The following MAP2K5 variants were observed in gnomAD, a reference collection of about 807,000 sequenced individuals.
MAP2K5 encodes the protein mitogen-activated protein kinase kinase 5.
MAP2K5 carries 49 observed loss-of-function variants against 83.1 expected under a neutral mutation model. The observed-to-expected ratio is 0.59, with a 90% confidence interval of 0.47 to 0.75. MAP2K5 has a LOEUF of 0.75. MAP2K5 is among the 30% of genes least tolerant of loss of function. The pLI is 0.00. For synonymous variants in MAP2K5, 202 were observed against 191.8 expected (o/e 1.05, Z -0.44); for missense variants, 457 against 557.5 (o/e 0.82, Z 1.82).
At chr15:67,576,134 C>T (rs531510573) in intron 3 of MAP2K5, among the ~76,000 whole-genome samples, 5 of 146,036 alleles carry the variant, frequency 3.4e-5, no homozygotes, top group African/African-American at 1.2e-4. Context: ...CCAGGCTGGT[C>T]TTGAACTCCT....
chr15:67,664,760 C>G (rs1292485374), intron 13 of MAP2K5, 115 bp downstream of exon 13: 14 of 615,004 alleles, frequency 2.3e-5, no homozygotes, highest in Non-Finnish European at 3.8e-5. Context: ...ACATCTGGTA[C>G]TCAAAAAGAT....
chr15:67,685,876 C>T (rs1024741111), intron 13 of MAP2K5, among the ~76,000 whole-genome samples: 7 of 152,212 alleles, frequency 4.6e-5, no homozygotes, highest in Admixed American at 3.3e-4. Flanking sequence ...CAGTCATGGC[C>T]GTTCATTTAC....
rs1167753893 is a variant in MAP2K5, at chr15:67,565,524, G to A, written c.252+2174G>A. Among the ~76,000 whole-genome samples, 4 of 152,052 alleles carry A rather than the reference G, an allele frequency of 2.6e-5. No individual in the cohort carries two copies. The highest frequency in any genetic ancestry group is 6.5e-5 in the Admixed American group (1 of 15,274). ...ATTACAGGCATGAGCCACTGTGCCC[G>A]GCCTGTCATCATCATTATTAAATTC... On this transcript the variant is annotated intron_variant, in intron 3 of 21. Transcript: ENST00000178640. The surrounding 1 kb of genome is among the most constrained non-coding windows in gnomAD (Gnocchi z 4.1).
rs2090555798 is a variant in MAP2K5, at chr15:67,793,690, ATAGATTG to A, written c.1243-12953_1243-12947del. ...TAAGGGTGTCAAAGTATAGTGGTCT[ATAGATTG>A]TAAAGTGCCCCTAGATTTGGAAACT... On this transcript the variant is annotated intron_variant, in intron 21 of 21. Transcript: ENST00000178640. This position sits in a 1 kb window ranked among gnomAD's most constrained non-coding sequence, Gnocchi z 4.6. 6.6e-6 allele frequency among the ~76,000 whole-genome samples: 1 copy of A among 152,346 alleles called. No homozygotes were observed. Among genetic ancestry groups the A allele is most frequent in the African/African-American group, 2.4e-5 (1 of 41,574 alleles).
At chr15:67,733,423 T>C (rs2089269011) in intron 17 of MAP2K5, among the ~76,000 whole-genome samples, 1 of 152,142 alleles carries the variant, frequency 6.6e-6, no homozygotes, top group South Asian at 2.1e-4. Flanking sequence ...AGAGAAATAG[T>C]GAATAGTGAT....
chr15:67,785,187 C>T lies in MAP2K5; in HGVS notation c.1242+12435C>T, dbSNP rs1359005108. ...CTCAAACTCCTGACCTCAAGTGATC[C>T]GCCTGCCTGGGCCTCTCAGAGTGCT... On this transcript the variant is annotated intron_variant, in intron 21 of 21. Transcript: ENST00000178640. This position sits in a 1 kb window ranked among gnomAD's most constrained non-coding sequence, Gnocchi z 4.4. Among the ~76,000 whole-genome samples, 8 of 152,128 alleles carry T rather than the reference C, an allele frequency of 5.3e-5. No homozygotes were observed. The highest frequency in any genetic ancestry group is 8.8e-5 in the Non-Finnish European group (6 of 68,028).
rs1260242660 is a variant in MAP2K5 at position 67,755,014 on chromosome 15, C to T, written c.1134+6413C>T. Reference sequence around the variant, plus strand: ...TGAGATGGAGTCTTGCTCTGTTTGCCCAGGCTAGAGTGTGCAGTGGCACAA... The same window carrying T: ...TGAGATGGAGTCTTGCTCTGTTTGCTCAGGCTAGAGTGTGCAGTGGCACAA... On this transcript the variant is annotated intron_variant, in intron 19 of 21. Coordinates refer to ENST00000178640, the MANE Select transcript of MAP2K5 (RefSeq NM_145160.3). This position sits in a 1 kb window ranked among gnomAD's most constrained non-coding sequence, Gnocchi z 4.7. 2.0e-5 allele frequency among the ~76,000 whole-genome samples: 3 copies of T among 152,054 alleles called. No homozygotes were observed. The highest frequency in any genetic ancestry group is 2.9e-5 in the Non-Finnish European group (2 of 68,014).
chr15:67,623,647 G>C (rs1336763631), intron 8 of MAP2K5, among the ~76,000 whole-genome samples: 1 of 150,238 alleles, frequency 6.7e-6, no homozygotes, highest in Non-Finnish European at 1.5e-5. Flanking sequence ...CAGGAGGCTA[G>C]AGTGCAATGG....
At chr15:67,795,543 G>A (rs2090590423) in intron 21 of MAP2K5, among the ~76,000 whole-genome samples, 1 of 152,056 alleles carries the variant, frequency 6.6e-6, no homozygotes, top group Admixed American at 6.5e-5. Flanking sequence ...TTATCTTGTG[G>A]TTATTACCTA....
rs1020625129 is a variant in MAP2K5 at position 67,746,980 on chromosome 15, T to C, written c.1075-1251T>C. Among the ~76,000 whole-genome samples the C allele has an allele frequency of 6.6e-6, 1 of 152,138 alleles. No homozygotes were observed. The highest frequency in any genetic ancestry group is 2.4e-5 in the African/African-American group (1 of 41,418). On this transcript the variant is annotated intron_variant, in intron 17 of 21. Transcript: ENST00000178640. This position sits in a 1 kb window ranked among gnomAD's most constrained non-coding sequence, Gnocchi z 4.1. The stretch of plus-strand genomic sequence containing the variant: ...GTCAAAATGGATAATTTATCAACAA[T>C]ACCATACCAAGTATAAATGTATACA...
chr15:67,572,605 A>C lies in MAP2K5; in HGVS notation c.253-8149A>C. On this transcript the variant is annotated intron_variant, in intron 3 of 21. Transcript: ENST00000178640. The surrounding 1 kb of genome is among the most constrained non-coding windows in gnomAD (Gnocchi z 4.2). ...TATGATGTTTGTTTATGTATAGGATAAAAAAGGATCATGGGGAGATGTGCT... is the reference window on the plus strand; with the variant it reads ...TATGATGTTTGTTTATGTATAGGATCAAAAAGGATCATGGGGAGATGTGCT... Among the ~76,000 whole-genome samples, 1 of 152,342 alleles carries C rather than the reference A, an allele frequency of 6.6e-6. No homozygotes were observed.
chr15:67,550,286 A>G (rs935180387), intron 2 of MAP2K5, among the ~76,000 whole-genome samples: 1 of 152,230 alleles, frequency 6.6e-6, no homozygotes, highest in African/African-American at 2.4e-5. Context: ...ATCTTGGGTG[A>G]GCATATTTCT....
intron 13 of MAP2K5, among the ~76,000 whole-genome samples, chr15:67,679,313 G>A (rs78452110): frequency 1.5e-4 from 23 of 152,190 alleles, no homozygotes; most frequent in South Asian, 1.0e-3. Flanking sequence ...AGTTTCCTGC[G>A]TGAGGCAGTT....
chr15:67,762,009 C>T (rs2089958641), intron 19 of MAP2K5, among the ~76,000 whole-genome samples: 1 of 152,168 alleles, frequency 6.6e-6, no homozygotes, highest in African/African-American at 2.4e-5. Context: ...GGTAAAAGCA[C>T]AGGTAGGAAT....
In MAP2K5 at chr15:67,563,783, G is replaced by A. The variant is rs543055090; in HGVS notation, c.252+433G>A. Among the ~76,000 whole-genome samples the A allele has an allele frequency of 9.2e-5, 14 of 152,204 alleles. No individual in the cohort carries two copies. Among genetic ancestry groups the A allele is most frequent in the Admixed American group, 6.5e-4 (10 of 15,290 alleles). ...TAATATGGATACACGATTTAAAGATGTACTGTTGGTTATTTATGCACTACC... is the reference window on the plus strand; with the variant it reads ...TAATATGGATACACGATTTAAAGATATACTGTTGGTTATTTATGCACTACC... On this transcript the variant is annotated intron_variant, in intron 3 of 21. Transcript: ENST00000178640. The surrounding 1 kb of genome is among the most constrained non-coding windows in gnomAD (Gnocchi z 4.5).
chr15:67,789,979 A>G (rs1176300977), intron 21 of MAP2K5, among the ~76,000 whole-genome samples: 2 of 152,096 alleles, frequency 1.3e-5, no homozygotes, highest in Non-Finnish European at 2.9e-5. Flanking sequence ...GGCAGCTTTT[A>G]CACTACCAAG....
rs549551996 is a variant in MAP2K5 at position 67,794,381 on chromosome 15, C to T, written c.1243-12265C>T. On this transcript the variant is annotated intron_variant, in intron 21 of 21. Coordinates refer to ENST00000178640, the MANE Select transcript of MAP2K5 (RefSeq NM_145160.3). The surrounding 1 kb of genome is among the most constrained non-coding windows in gnomAD (Gnocchi z 4.6). ...TGGGATGCAAAACAATCAGAATTTTCGAAGAGTTTGCTTCCTTTTTGTGCA... is the reference window on the plus strand; with the variant it reads ...TGGGATGCAAAACAATCAGAATTTTTGAAGAGTTTGCTTCCTTTTTGTGCA... 2.0e-5 allele frequency among the ~76,000 whole-genome samples: 3 copies of T among 152,042 alleles called. No homozygotes were observed. Among genetic ancestry groups the T allele is most frequent in the South Asian group, 2.1e-4 (1 of 4,824 alleles).
intron 6 of MAP2K5, among the ~76,000 whole-genome samples, chr15:67,592,048 T>C (rs1199624214): frequency 7.1e-6 from 1 of 140,896 alleles, no homozygotes; most frequent in African/African-American, 2.7e-5. Flanking sequence ...GAGGTGGAGG[T>C]TGTGGTGAGC....
chr15:67,622,414 T>A (rs2899728), intron 8 of MAP2K5, among the ~76,000 whole-genome samples: 126,371 of 152,166 alleles, frequency 0.83, 53,406 homozygotes, highest in Middle Eastern at 0.93. Flanking sequence ...GGCCCAGATG[T>A]TGAAATCCTT....
Sources: allele counts gnomAD v4.1 joint callset (sites outside exome capture counted in the v4.1 genomes callset), GRCh38; gene constraint gnomAD v4.1.1; non-coding constraint Gnocchi (gnomAD v3.1); transcripts MANE v1.5; gene names NCBI Gene and HGNC (gene_info 2026-07-23, HGNC 2026-07-21).